Variants in ENPEP observed in about 807,000 individuals in gnomAD.
The protein encoded by ENPEP is glutamyl aminopeptidase, also known as AP-A.
Under a neutral mutation model 114.5 loss-of-function variants are expected in ENPEP, and 103 were observed. The ratio of observed to expected loss-of-function variants is 0.90; its 90% CI spans 0.77 to 1.06. The LOEUF (loss-of-function observed/expected upper bound fraction) is 1.06. ENPEP is among the 50% of genes least tolerant of loss of function. The pLI is 0.00. For synonymous variants in ENPEP, 420 were observed against 422.0 expected, an observed-to-expected ratio of 1.00 and a Z score of 0.06; for missense variants, 1,196 against 1,161.3, an observed-to-expected ratio of 1.03 and a Z score of -0.43.
chr4:110,560,863 T>A (rs1398074450), intron 19 of ENPEP, among the ~76,000 whole-genome samples: 2 of 152,224 alleles, frequency 1.3e-5, no homozygotes, highest in African/African-American at 4.8e-5. Flanking sequence ...GTTTTCTGTA[T>A]GTTAAAAAGC....
At chr4:110,549,988 A>C in intron 17 of ENPEP, 102 bp downstream of exon 17, 1 of 1,153,620 alleles carries the variant, frequency 8.7e-7, no homozygotes, top group Non-Finnish European at 1.2e-6. Context: ...TGTTTCCAAA[A>C]AAATCCATTA....
chr4:110,491,235 G>GTTTTTT, intron 3 of ENPEP, 71 bp downstream of exon 3: 1 of 1,039,858 alleles, frequency 9.6e-7, no homozygotes. Context: ...TTTTTGGGTA[G>GTTTTTT]TTTTTTTTTT....
chr4:110,510,730 C>G (rs1291902201), intron 6 of ENPEP, among the ~76,000 whole-genome samples: 1 of 151,916 alleles, frequency 6.6e-6, no homozygotes, highest in Non-Finnish European at 1.5e-5. Flanking sequence ...TACTTTATTT[C>G]AGACAGATTG....
chr4:110,560,617 C>A (rs998081103), intron 19 of ENPEP, among the ~76,000 whole-genome samples: 1 of 152,160 alleles, frequency 6.6e-6, no homozygotes, highest in African/African-American at 2.4e-5. Flanking sequence ...CCAGACAGTT[C>A]AGCTCATGAA....
In ENPEP at chr4:110,509,717, A is replaced by C. The variant is rs1391429525; in HGVS notation, c.1104A>C (p.Arg368Ser). Residue 368 changes from arginine to serine, a missense_variant, in exon 5 of 20, where the codon AGA (arginine) becomes AGC (serine). Transcript: ENST00000265162. ...AGAACTGGGGACTCATCACGTACAG[A>C]GAAACGAACCTGCTTTATGACCCTA... ...AMENWGLITY[R>S]ETNLLYDPKE... 5.0e-6 allele frequency: 8 copies of C among 1,614,228 alleles called. No individual in the cohort carries two copies. The highest frequency in any genetic ancestry group is 6.8e-6 in the Non-Finnish European group (8 of 1,180,030).
intron 1 of ENPEP, among the ~76,000 whole-genome samples, chr4:110,478,741 G>T (rs533287968): frequency 6.6e-5 from 10 of 152,274 alleles, no homozygotes; most frequent in African/African-American, 2.2e-4. Flanking sequence ...ACACAGCCAA[G>T]AATCTGATTT....
intron 6 of ENPEP, 58 bp downstream of exon 6, chr4:110,510,416 A>T: frequency 5.7e-6 from 8 of 1,415,684 alleles, no homozygotes; most frequent in Non-Finnish European, 8.0e-6. Context: ...AGCAGATGGA[A>T]GCCTTTGGAC....
At chr4:110,536,737 G>T (rs1726647736) in intron 11 of ENPEP, among the ~76,000 whole-genome samples, 1 of 152,132 alleles carries the variant, frequency 6.6e-6, no homozygotes, top group Admixed American at 6.5e-5. Flanking sequence ...CTCCTTTGCA[G>T]TTATTTTTTT....
Position 110,513,565 on chromosome 4 carries a change from C to G in ENPEP, c.1443+16C>G. On this transcript the variant is annotated intron_variant, in intron 7 of 19. Coordinates refer to ENST00000265162, the MANE Select transcript of ENPEP (RefSeq NM_001977.4). Reference sequence around the variant, plus strand: ...CTATAGCAAGGTGGGAGAAATAGAACATTGTTTTGAACATCTTCCTGTTTA... The same window carrying G: ...CTATAGCAAGGTGGGAGAAATAGAAGATTGTTTTGAACATCTTCCTGTTTA... 3 of 1,610,210 alleles carry G rather than the reference C, an allele frequency of 1.9e-6. No homozygotes were observed.
chr4:110,521,733 G>A (rs1725997820), intron 10 of ENPEP, among the ~76,000 whole-genome samples: 1 of 152,136 alleles, frequency 6.6e-6, no homozygotes, highest in Non-Finnish European at 1.5e-5. Flanking sequence ...TTAGATTTCT[G>A]ATTCTCAAAA....
intron 8 of ENPEP, chr4:110,519,245 C>A (rs1440244576): frequency 5.8e-6 from 2 of 346,470 alleles, no homozygotes; most frequent in Non-Finnish European, 1.2e-5. Flanking sequence ...TTAGGTACAG[C>A]ACCTACTGAA....
At chr4:110,503,782 G>C (rs1441064726) in intron 3 of ENPEP, among the ~76,000 whole-genome samples, 1 of 152,202 alleles carries the variant, frequency 6.6e-6, no homozygotes, top group Non-Finnish European at 1.5e-5. Context: ...AAGTGTTTGT[G>C]CTGGGTCATT....
In ENPEP at chr4:110,506,761, A is replaced by G; in HGVS notation, c.1039+4A>G. 1 of 1,534,948 alleles carries G rather than the reference A, an allele frequency of 6.5e-7. No homozygotes were observed. On this transcript the variant is annotated splice_donor_region_variant and intron_variant, in intron 4 of 19. Coordinates refer to ENST00000265162, the MANE Select transcript of ENPEP (RefSeq NM_001977.4). ...AATTATTCTCTTCCTAAATTAGGTGAGGATCATTTTTTAATTTTCTTATTT... is the reference window on the plus strand; with the variant it reads ...AATTATTCTCTTCCTAAATTAGGTGGGGATCATTTTTTAATTTTCTTATTT...
chr4:110,493,757 T>C (rs1347285545), intron 3 of ENPEP, among the ~76,000 whole-genome samples: 1 of 152,136 alleles, frequency 6.6e-6, no homozygotes, highest in Non-Finnish European at 1.5e-5. Context: ...CCCACCCAAG[T>C]ACAAACTGCT....
chr4:110,539,945 T>C (rs2110383965), intron 11 of ENPEP, among the ~76,000 whole-genome samples: 1 of 152,168 alleles, frequency 6.6e-6, no homozygotes, highest in African/African-American at 2.4e-5. Flanking sequence ...TCTATCAGGG[T>C]TGAAATTAAA....
chr4:110,524,473 G>A (rs1726122429), intron 10 of ENPEP, among the ~76,000 whole-genome samples: 1 of 152,040 alleles, frequency 6.6e-6, no homozygotes, highest in South Asian at 2.1e-4. Flanking sequence ...AACAACACTA[G>A]CTAAAATTTT....
At chr4:110,485,949 T>C (rs1724485176) in intron 1 of ENPEP, among the ~76,000 whole-genome samples, 1 of 152,162 alleles carries the variant, frequency 6.6e-6, no homozygotes, top group African/African-American at 2.4e-5. Context: ...TTGCTTAAGG[T>C]AGTGTCCACC....
At chr4:110,552,246 T>C (rs535090601) in intron 17 of ENPEP, among the ~76,000 whole-genome samples, 32 of 152,320 alleles carry the variant, frequency 2.1e-4, no homozygotes, top group African/African-American at 7.7e-4. Flanking sequence ...AGCACAAAAG[T>C]ACATGCTGAA....
At chr4:110,508,497 T>C (rs1725453791) in intron 4 of ENPEP, among the ~76,000 whole-genome samples, 1 of 152,204 alleles carries the variant, frequency 6.6e-6, no homozygotes, top group Non-Finnish European at 1.5e-5. Context: ...CCCTCTTCAT[T>C]CTTTTATAAA....
Sources: allele counts gnomAD v4.1 joint callset (sites outside exome capture counted in the v4.1 genomes callset), GRCh38; gene constraint gnomAD v4.1.1; transcripts MANE v1.5; gene names NCBI Gene and HGNC (gene_info 2026-07-23, HGNC 2026-07-21).